Variants in GPHN observed in about 807,000 individuals in gnomAD.
GPHN encodes the protein gephyrin.
GPHN carries 17 observed loss-of-function variants against 95.5 expected under a neutral mutation model. That is an observed-to-expected ratio of 0.18 (90% CI 0.12 to 0.27). The LOEUF is 0.27. Ranked by LOEUF, GPHN falls within the 10% of genes least tolerant of loss-of-function variation. GPHN has a pLI of 1.00. For missense variants in GPHN, 660 were observed against 978.1 expected (o/e 0.67, Z 4.34); for synonymous variants, 320 against 322.5 (o/e 0.99, Z 0.08).
At chr14:67,448,393 A>AC in the GPHN span, among the ~76,000 whole-genome samples, 1 of 151,982 alleles carries the variant, frequency 6.6e-6, no homozygotes, top group Admixed American at 6.6e-5. Flanking sequence ...CAATGTAGCT[A>AC]CCAATTGCTG....
rs539229933 is a variant in GPHN, at chr14:66,915,259, C to G, written c.390-744C>G. ...TAAAATTTTAAAAATAGCATAATCT[C>G]TTTGTTTTCAAATTATGAAAATGAG... On this transcript the variant is annotated intron_variant, in intron 5 of 22. Coordinates refer to ENST00000478722, the MANE Select transcript of GPHN (RefSeq NM_020806.5). Among the ~76,000 whole-genome samples, 123 of 152,042 alleles carry G rather than the reference C, an allele frequency of 8.1e-4. 1 individual carries two copies. The highest frequency in any genetic ancestry group is 2.5e-4 in the Non-Finnish European group (17 of 67,974).
At chr14:67,263,194 T>TA in the GPHN span, among the ~76,000 whole-genome samples, 1 of 152,186 alleles carries the variant, frequency 6.6e-6, no homozygotes, top group Non-Finnish European at 1.5e-5. Context: ...ACTTTTTACT[T>TA]CAGGAAATGT....
At chr14:66,586,654 T>C (rs1329106937) in intron 1 of GPHN, among the ~76,000 whole-genome samples, 1 of 152,206 alleles carries the variant, frequency 6.6e-6, no homozygotes, top group Admixed American at 6.5e-5. Context: ...TGAAGCTTAG[T>C]TTGGCTGGAT....
the GPHN span, among the ~76,000 whole-genome samples, chr14:67,272,953 C>T: frequency 2.6e-5 from 4 of 152,102 alleles, no homozygotes; most frequent in South Asian, 4.1e-4. Context: ...GAATTACAGG[C>T]GTGAGCCACC....
intron 1 of GPHN, among the ~76,000 whole-genome samples, chr14:66,541,419 A>C (rs1005283220): frequency 2.0e-5 from 3 of 152,264 alleles, no homozygotes; most frequent in African/African-American, 7.2e-5. Flanking sequence ...AAAAGTTCTT[A>C]GGTCAATTAT....
chr14:67,233,302 C>T, the GPHN span, among the ~76,000 whole-genome samples: 24 of 151,930 alleles, frequency 1.6e-4, no homozygotes, highest in African/African-American at 4.1e-4. Context: ...CCACCACGCC[C>T]GGCTAAATTT....
At chr14:67,606,614 A>G in the GPHN span, among the ~76,000 whole-genome samples, 1 of 140,268 alleles carries the variant, frequency 7.1e-6, no homozygotes, top group Admixed American at 6.8e-5. Flanking sequence ...AAGGAAAGGT[A>G]AAAAAGCCCT....
chr14:66,829,954 G>C (rs960011536), intron 4 of GPHN, among the ~76,000 whole-genome samples: 11 of 152,060 alleles, frequency 7.2e-5, no homozygotes. Flanking sequence ...AAAATCAAAA[G>C]GAGAGTAATA....
At chr14:66,769,126 C>T (rs2059069366) in intron 2 of GPHN, among the ~76,000 whole-genome samples, 1 of 151,822 alleles carries the variant, frequency 6.6e-6, no homozygotes, top group Admixed American at 6.6e-5. Context: ...AGGTATGATT[C>T]TGTCTCAAGA....
At chr14:67,128,787 T>C (rs991885528) in intron 17 of GPHN, among the ~76,000 whole-genome samples, 1 of 150,586 alleles carries the variant, frequency 6.6e-6, no homozygotes, top group Non-Finnish European at 1.5e-5. Flanking sequence ...ATACAAAAAT[T>C]AGCCGGGCGT....
the GPHN span, among the ~76,000 whole-genome samples, chr14:67,418,696 G>T: frequency 6.6e-6 from 1 of 151,966 alleles, no homozygotes; most frequent in African/African-American, 2.4e-5. Flanking sequence ...AGGGGGTAGA[G>T]GATACTGTCA....
At chr14:67,523,109 G>A in the GPHN span, among the ~76,000 whole-genome samples, 1 of 152,164 alleles carries the variant, frequency 6.6e-6, no homozygotes, top group Non-Finnish European at 1.5e-5. Flanking sequence ...TGGATCACGA[G>A]GTCAGGAGTT....
At chr14:66,753,808 T>G (rs376158799) in intron 2 of GPHN, among the ~76,000 whole-genome samples, 29 of 152,210 alleles carry the variant, frequency 1.9e-4, no homozygotes, top group African/African-American at 6.7e-4. Flanking sequence ...ACAATGTAAT[T>G]TCAAACATTT....
intron 3 of GPHN, among the ~76,000 whole-genome samples, chr14:66,781,481 G>A (rs567660682): frequency 2.0e-5 from 3 of 152,082 alleles, no homozygotes; most frequent in Admixed American, 1.3e-4. Context: ...GCCTCCCAAA[G>A]TGCTGGGATT....
At chr14:67,195,812 C>G in the GPHN span, among the ~76,000 whole-genome samples, 3 of 151,426 alleles carry the variant, frequency 2.0e-5, no homozygotes, top group African/African-American at 7.3e-5. Context: ...GGCACGATCT[C>G]AGCTCACTGC....
At chr14:66,581,341 T>C (rs2061159772) in intron 1 of GPHN, among the ~76,000 whole-genome samples, 1 of 151,790 alleles carries the variant, frequency 6.6e-6, no homozygotes, top group Non-Finnish European at 1.5e-5. Flanking sequence ...CAGCTTAAAA[T>C]AGTCTAACTG....
chr14:67,368,954 G>GA, the GPHN span, among the ~76,000 whole-genome samples: 1 of 151,680 alleles, frequency 6.6e-6, no homozygotes, highest in East Asian at 1.9e-4. Context: ...AAACTCAAAA[G>GA]AAAAAAACAA....
intron 16 of GPHN, 147 bp downstream of exon 16, chr14:67,113,318 G>A (rs2078486408): frequency 3.8e-6 from 3 of 792,324 alleles, no homozygotes; most frequent in Non-Finnish European, 6.4e-6. Context: ...ACAATAAATT[G>A]GCTTTAGGAT....
At chr14:67,450,448 G>A in the GPHN span, among the ~76,000 whole-genome samples, 120 of 152,352 alleles carry the variant, frequency 7.9e-4, no homozygotes, top group Middle Eastern at 6.8e-3. Flanking sequence ...GAGACTTGTT[G>A]AATGGCTTTG....
Sources: gnomAD v4.1 joint callset for allele counts (sites outside exome capture counted in the v4.1 genomes callset) on GRCh38, gnomAD v4.1.1 for gene constraint, MANE v1.5 for transcripts, NCBI Gene and HGNC (gene_info 2026-07-23, HGNC 2026-07-21) for gene names.